The following PHACTR2 variants were observed in gnomAD, a reference collection of about 807,000 sequenced individuals.
The protein encoded by PHACTR2 is phosphatase and actin regulator 2, also known as chromosome 6 open reading frame 56.
PHACTR2 carries 30 observed loss-of-function variants against 76.0 expected under a neutral mutation model. That is an observed-to-expected ratio of 0.39 (90% CI 0.30 to 0.54). The LOEUF is 0.54. Among genes scored for constraint, PHACTR2 ranks in the 20% least tolerant of loss-of-function variants. The pLI is 0.61. For synonymous variants in PHACTR2, 292 were observed against 292.5 expected, an observed-to-expected ratio of 1.00 and a Z score of 0.02; for missense variants, 696 against 781.1, an observed-to-expected ratio of 0.89 and a Z score of 1.30.
In PHACTR2 at chr6:143,627,365, TAAA is replaced by T. The variant is rs1396425693; in HGVS notation, c.13+19048_13+19050del. On this transcript the variant is annotated intron_variant, in intron 1 of 11. Transcript: ENST00000305766. This position sits in a 1 kb window ranked among gnomAD's most constrained non-coding sequence, Gnocchi z 4.3. ...TAGACCAGAATGATCTTGACTAATTTAAAAAAATTTGTGGAACACAGATATTTT... is the reference window on the plus strand; with the variant it reads ...TAGACCAGAATGATCTTGACTAATTTAAAATTTGTGGAACACAGATATTTT... Among the ~76,000 whole-genome samples the T allele has an allele frequency of 6.6e-6, 1 of 152,178 alleles. No individual in the cohort carries two copies. Among genetic ancestry groups the T allele is most frequent in the African/African-American group, 2.4e-5 (1 of 41,440 alleles).
Position 143,788,250 on chromosome 6 carries a change from T to G in PHACTR2, c.1708-523T>G, listed in dbSNP as rs1214806972. Among the ~76,000 whole-genome samples the G allele has an allele frequency of 1.4e-4, 22 of 152,346 alleles. 1 individual carries two copies. In the East Asian group the frequency reaches 4.1e-3, roughly 28 times the overall value. The stretch of plus-strand genomic sequence containing the variant: ...TGTCTGATTGGGGTCTTGTCCTTAT[T>G]ATGAATATCTTAAGGACAGCTGTGC... On this transcript the variant is annotated intron_variant, in intron 10 of 12. Coordinates refer to ENST00000440869, the MANE Select transcript of PHACTR2 (RefSeq NM_001100164.2).
intron 1 of PHACTR2, among the ~76,000 whole-genome samples, chr6:143,681,717 G>C (rs1777392007): frequency 6.6e-6 from 1 of 152,128 alleles, no homozygotes; most frequent in Admixed American, 6.5e-5. Context: ...TATAATTTTG[G>C]CTGTTACATT....
Position 143,725,522 on chromosome 6 carries a change from G to A in PHACTR2, c.214+13339G>A, listed in dbSNP as rs376162729. 3.3e-5 allele frequency among the ~76,000 whole-genome samples: 5 copies of A among 151,722 alleles called. No homozygotes were observed. The South Asian group carries it at 6.2e-4, about 19-fold the overall frequency. On this transcript the variant is annotated intron_variant, in intron 2 of 12. Transcript: ENST00000440869. ...GCCTGTGCTGTCTTTTTATAGTCAC[G>A]CCTTCCCAACCCCTAACTTCTGGCA...
rs1779440248 is a variant in PHACTR2, at chr6:143,761,474, C to A, written c.694+834C>A. Among the ~76,000 whole-genome samples, 1 of 152,156 alleles carries A rather than the reference C, an allele frequency of 6.6e-6. No individual in the cohort carries two copies. Among genetic ancestry groups the A allele is most frequent in the South Asian group, 2.1e-4 (1 of 4,828 alleles). ...ATCTTTTAAAAGGACATTAATCAGG[C>A]CAGGCCCAGTGGCTCACACCCGTAA... On this transcript the variant is annotated intron_variant, in intron 5 of 12. Coordinates refer to ENST00000440869, the MANE Select transcript of PHACTR2 (RefSeq NM_001100164.2). The surrounding 1 kb of genome is among the most constrained non-coding windows in gnomAD (Gnocchi z 5.2).
intron 11 of PHACTR2, among the ~76,000 whole-genome samples, chr6:143,802,700 G>A (rs982787152): frequency 4.0e-5 from 6 of 149,106 alleles, no homozygotes; most frequent in Non-Finnish European, 8.9e-5. Context: ...GAATTATTAG[G>A]CCTAAAACCT....
rs1342266223 is a variant in PHACTR2 at position 143,772,486 on chromosome 6, A to T, written c.1432+29A>T. 3.3e-6 allele frequency: 5 copies of T among 1,535,614 alleles called. No homozygotes were observed. The African/African-American group carries it at 6.8e-5, about 21-fold the overall frequency. On this transcript the variant is annotated intron_variant, in intron 7 of 12. Transcript: ENST00000440869. The surrounding 1 kb of genome is among the most constrained non-coding windows in gnomAD (Gnocchi z 5.4). ...AGACTGTTTTCAAGAGGCAGGGAGGAGCGTGGGTGATAAGCAGAAGCAGCT... is the reference window on the plus strand; with the variant it reads ...AGACTGTTTTCAAGAGGCAGGGAGGTGCGTGGGTGATAAGCAGAAGCAGCT...
chr6:143,819,196 T>A lies in PHACTR2; in HGVS notation c.1923-4478T>A, dbSNP rs752870678. On this transcript the variant is annotated intron_variant, in intron 12 of 12. Coordinates refer to ENST00000440869, the MANE Select transcript of PHACTR2 (RefSeq NM_001100164.2). The surrounding 1 kb of genome is among the most constrained non-coding windows in gnomAD (Gnocchi z 5.0). ...TTGAGCACATCCCTAGTGAGCCAGA[T>A]TGTGTTCTGGACCCTGAGAGTTTAG... Among the ~76,000 whole-genome samples, 1 of 152,142 alleles carries A rather than the reference T, an allele frequency of 6.6e-6. No homozygotes were observed. The highest frequency in any genetic ancestry group is 6.5e-5 in the Admixed American group (1 of 15,276).
chr6:143,628,537 C>T (rs1378399596), intron 1 of PHACTR2, among the ~76,000 whole-genome samples: 2 of 152,178 alleles, frequency 1.3e-5, no homozygotes, highest in South Asian at 2.1e-4. Context: ...CAGACCTCTG[C>T]TCCTGTCTTT....
At chr6:143,694,948 A>G (rs1379686678) in intron 1 of PHACTR2, among the ~76,000 whole-genome samples, 1 of 152,240 alleles carries the variant, frequency 6.6e-6, no homozygotes, top group Non-Finnish European at 1.5e-5. Flanking sequence ...TAATGCTTCA[A>G]CAGCACACCC....
chr6:143,544,271 C>G (rs879789002), intron 1 of PHACTR2, among the ~76,000 whole-genome samples: 387 of 117,350 alleles, frequency 3.3e-3, no homozygotes, highest in Non-Finnish European at 4.1e-3. Context: ...GGAAGGCGGG[C>G]AGGCTCCCAT....
At chr6:143,724,752 A>G (rs747412118) in intron 2 of PHACTR2, among the ~76,000 whole-genome samples, 5 of 152,200 alleles carry the variant, frequency 3.3e-5, no homozygotes, top group African/African-American at 4.8e-5. Context: ...TGTGCCAGCT[A>G]TGTCAATCCC....
rs1003315220 is a variant in PHACTR2 at position 143,641,541 on chromosome 6, T to C, written c.13+33219T>C. On this transcript the variant is annotated intron_variant, in intron 1 of 11. Transcript: ENST00000305766. This position sits in a 1 kb window ranked among gnomAD's most constrained non-coding sequence, Gnocchi z 5.8. ...TTGTTTTTGAGACAGAGTTTCGCTC[T>C]TGTTACCCAGGCTGGAGTACAATGG... Among the ~76,000 whole-genome samples the C allele has an allele frequency of 6.6e-6, 1 of 152,176 alleles. No homozygotes were observed. Among genetic ancestry groups the C allele is most frequent in the Non-Finnish European group, 1.5e-5 (1 of 68,026 alleles).
rs568346659 is a variant in PHACTR2, at chr6:143,596,386, A to T, written c.217+59179A>T. Reference sequence around the variant, plus strand: ...GTTATTGAGGCTCACATTTACCTGAACTGCATTAAGAGAGAGACACTCTTA... The same window carrying T: ...GTTATTGAGGCTCACATTTACCTGATCTGCATTAAGAGAGAGACACTCTTA... On this transcript the variant is annotated intron_variant, in intron 1 of 11. Transcript: ENST00000367584. This position sits in a 1 kb window ranked among gnomAD's most constrained non-coding sequence, Gnocchi z 4.6. Among the ~76,000 whole-genome samples, 4 of 151,760 alleles carry T rather than the reference A, an allele frequency of 2.6e-5. No homozygotes were observed. In the South Asian group the frequency reaches 8.4e-4, roughly 32 times the overall value.
intron 1 of PHACTR2, among the ~76,000 whole-genome samples, chr6:143,587,534 GTGAGTATTCT>G (rs1364919992): frequency 6.6e-6 from 1 of 152,182 alleles, no homozygotes; most frequent in Non-Finnish European, 1.5e-5. Flanking sequence ...AGCACTGCCA[GTGAGTATTCT>G]TGGGGCAAGT....
rs573479309 is a variant in PHACTR2 at position 143,807,806 on chromosome 6, C to A, written c.1922+673C>A. On this transcript the variant is annotated intron_variant, in intron 12 of 12. Transcript: ENST00000440869. This position sits in a 1 kb window ranked among gnomAD's most constrained non-coding sequence, Gnocchi z 5.5. ...CGGTTTCTTTCACAGGTTACCTAAC[C>A]CGGTAACAAATATTGATCCCCTAAG... Among the ~76,000 whole-genome samples the A allele has an allele frequency of 6.6e-6, 1 of 152,164 alleles. No individual in the cohort carries two copies. Among genetic ancestry groups the A allele is most frequent in the Non-Finnish European group, 1.5e-5 (1 of 68,032 alleles).
At position 143,777,423 on chromosome 6, in the gene PHACTR2, G is replaced by C; in HGVS notation, c.1645+40G>C. On this transcript the variant is annotated intron_variant, in intron 9 of 12. Transcript: ENST00000440869. This position sits in a 1 kb window ranked among gnomAD's most constrained non-coding sequence, Gnocchi z 4.6. ...CTATAGAATGATTCCTTGTGTAATC[G>C]CTAACAAGCTGCCTCTACAGATGAT... is the stretch of plus-strand genomic sequence containing the variant. 1 of 1,063,268 alleles carries C rather than the reference G, an allele frequency of 9.4e-7. No individual in the cohort carries two copies. The highest frequency in any genetic ancestry group is 1.5e-5 in the South Asian group (1 of 68,270). 65.9% of individuals were successfully genotyped at this position (1,063,268 alleles called of 1,614,324 possible). A position where few individuals can be genotyped will look rare whatever the true frequency, so the allele number is the denominator to read the frequency against.
In PHACTR2 at chr6:143,591,513, G is replaced by C. The variant is rs991722479; in HGVS notation, c.217+54306G>C. ...CTAAGGTGGTCCTTTCCCAGCCAGG[G>C]GTTATGTGTTTCCAAGAGCAGCATG... On this transcript the variant is annotated intron_variant, in intron 1 of 11. Coordinates refer to the PHACTR2 transcript ENST00000367584. This position sits in a 1 kb window ranked among gnomAD's most constrained non-coding sequence, Gnocchi z 6.4. Among the ~76,000 whole-genome samples the C allele has an allele frequency of 1.3e-5, 2 of 152,282 alleles. No homozygotes were observed. Among genetic ancestry groups the C allele is most frequent in the South Asian group, 2.1e-4 (1 of 4,818 alleles).
intron 1 of PHACTR2, among the ~76,000 whole-genome samples, chr6:143,552,633 G>T (rs569221512): frequency 6.6e-6 from 1 of 152,260 alleles, no homozygotes; most frequent in Non-Finnish European, 1.5e-5. Context: ...GCTGGATGCG[G>T]TGGCTCATAC....
Position 143,829,433 on chromosome 6 carries a change from C to G in PHACTR2, c.*5744C>G, listed in dbSNP as rs1388434672. 1 of 152,130 alleles carries G rather than the reference C, an allele frequency of 6.6e-6. No individual in the cohort carries two copies. The highest frequency in any genetic ancestry group is 1.5e-5 in the Non-Finnish European group (1 of 68,030). The allele number at this position is 152,130 out of a possible 1,614,324, so 9.4% of individuals were successfully genotyped here. A position where few individuals can be genotyped will look rare whatever the true frequency, so the allele number is the denominator to read the frequency against. On this transcript the variant is annotated 3_prime_UTR_variant, in exon 13 of 13. Coordinates refer to ENST00000440869, the MANE Select transcript of PHACTR2 (RefSeq NM_001100164.2). Reference sequence around the variant, plus strand: ...CTATTAACGAAGCATTTAATTCACACACAAATGCTTGAATTTCCCCTGTAT... The same window carrying G: ...CTATTAACGAAGCATTTAATTCACAGACAAATGCTTGAATTTCCCCTGTAT...
Sources: gnomAD v4.1 joint callset for allele counts (sites outside exome capture counted in the v4.1 genomes callset) on GRCh38, gnomAD v4.1.1 for gene constraint, Gnocchi (gnomAD v3.1) non-coding constraint, MANE v1.5 for transcripts, NCBI Gene and HGNC (gene_info 2026-07-23, HGNC 2026-07-21) for gene names.